Variants in DNAH3 observed in about 807,000 individuals in gnomAD.
DNAH3 encodes dynein axonemal heavy chain 3, also known as axonemal beta dynein heavy chain 3.
A neutral mutation model predicts 432.5 loss-of-function variants in DNAH3; 332 were observed. The observed-to-expected ratio is 0.77, with a 90% CI of 0.70 to 0.84. The LOEUF (loss-of-function observed/expected upper bound fraction) is 0.84. Ranked by LOEUF, DNAH3 falls within the 40% of genes least tolerant of loss-of-function variation. The pLI is 0.00. For synonymous variants in DNAH3, 1,956 were observed against 1,900.2 expected (o/e 1.03, Z -0.76); for missense variants, 4,861 against 5,114.0 (o/e 0.95, Z 1.51).
chr16:20,976,181 A>AT (rs1255382413), intron 50 of DNAH3, among the ~76,000 whole-genome samples: 18 of 151,758 alleles, frequency 1.2e-4, no homozygotes, highest in East Asian at 5.8e-4. Context: ...TCTCTACAAA[A>AT]TTTTTTTTTA....
At chr16:21,157,215 A>AT (rs556903475) in intron 1 of DNAH3, among the ~76,000 whole-genome samples, 3 of 152,134 alleles carry the variant, frequency 2.0e-5, no homozygotes, top group Non-Finnish European at 4.4e-5. Flanking sequence ...GATCATCATC[A>AT]TAAATCATCA....
At chr16:21,077,498 G>C (rs2152769456) in intron 20 of DNAH3, among the ~76,000 whole-genome samples, 1 of 152,150 alleles carries the variant, frequency 6.6e-6, no homozygotes, top group South Asian at 2.1e-4. Flanking sequence ...TTGAACCTCT[G>C]TTAATTTATG....
intron 18 of DNAH3, among the ~76,000 whole-genome samples, chr16:21,092,125 A>G (rs1438547594): frequency 1.3e-5 from 2 of 152,244 alleles, no homozygotes; most frequent in Non-Finnish European, 1.5e-5. Flanking sequence ...TCTAAAATTT[A>G]CACAGAGAAG....
intron 21 of DNAH3, among the ~76,000 whole-genome samples, chr16:21,073,912 T>C (rs550266678): frequency 2.0e-5 from 3 of 152,204 alleles, no homozygotes; most frequent in African/African-American, 7.2e-5. Flanking sequence ...TAGACCATTA[T>C]ACCATACGCT....
chr16:20,976,562 T>A (rs1320718370), intron 50 of DNAH3, among the ~76,000 whole-genome samples: 1 of 152,236 alleles, frequency 6.6e-6, no homozygotes, highest in African/African-American at 2.4e-5. Flanking sequence ...AGATAGAAGG[T>A]ACTTTCAAGG....
chr16:21,083,948 G>A (rs2091279537), intron 19 of DNAH3, among the ~76,000 whole-genome samples: 1 of 152,100 alleles, frequency 6.6e-6, no homozygotes, highest in South Asian at 2.1e-4. Context: ...CTCACTCCTT[G>A]GGAGCCACTG....
chr16:21,017,957 C>T (rs1334939941), intron 41 of DNAH3, among the ~76,000 whole-genome samples: 1 of 152,090 alleles, frequency 6.6e-6, no homozygotes, highest in Non-Finnish European at 1.5e-5. Flanking sequence ...TGTTTTAGTA[C>T]ATACCTGGTC....
At chr16:21,040,715 G>A (rs1567684289) in intron 32 of DNAH3, among the ~76,000 whole-genome samples, 1 of 152,084 alleles carries the variant, frequency 6.6e-6, no homozygotes, top group African/African-American at 2.4e-5. Flanking sequence ...GCATGGGCAA[G>A]TTATACAACC....
intron 18 of DNAH3, among the ~76,000 whole-genome samples, 164 bp from the exon 19 acceptor site, chr16:21,087,224 A>G (rs1433446404): frequency 6.6e-6 from 1 of 152,206 alleles, no homozygotes; most frequent in Admixed American, 6.5e-5. Flanking sequence ...AACCTTAGAT[A>G]TGATACAGGA....
chr16:20,939,706 C>T (rs763410097), intron 59 of DNAH3, among the ~76,000 whole-genome samples: 13 of 151,962 alleles, frequency 8.6e-5, no homozygotes, highest in Admixed American at 2.6e-4. Flanking sequence ...GGAATCAGGG[C>T]TGTCCTTAAA....
intron 27 of DNAH3, among the ~76,000 whole-genome samples, chr16:21,055,968 C>A (rs370811657): frequency 6.6e-6 from 1 of 151,852 alleles, no homozygotes; most frequent in South Asian, 2.1e-4. Context: ...GAACTCCTGG[C>A]CTCAAGCAAT....
intron 57 of DNAH3, among the ~76,000 whole-genome samples, chr16:20,946,411 C>T (rs1300615900): frequency 2.0e-5 from 3 of 152,150 alleles, no homozygotes; most frequent in Admixed American, 6.6e-5. Flanking sequence ...ACTGATGCCT[C>T]GCGTCTCCCT....
At chr16:21,137,598 T>C (rs1261531454) in intron 5 of DNAH3, among the ~76,000 whole-genome samples, 1 of 152,026 alleles carries the variant, frequency 6.6e-6, no homozygotes, top group African/African-American at 2.4e-5. Flanking sequence ...AATTTTTGTA[T>C]TTTTAGTGGA....
intron 50 of DNAH3, among the ~76,000 whole-genome samples, chr16:20,977,740 G>C (rs2085662129): frequency 6.6e-6 from 1 of 152,198 alleles, no homozygotes; most frequent in African/African-American, 2.4e-5. Context: ...AGATGGTAAC[G>C]ATACTTTCTT....
chr16:21,128,825 C>CT (rs935839142), intron 7 of DNAH3, among the ~76,000 whole-genome samples: 4 of 150,024 alleles, frequency 2.7e-5, no homozygotes, highest in African/African-American at 9.8e-5. Context: ...CATCACTGCA[C>CT]TCCAGCCTGG....
chr16:21,059,852 C>T (rs540614572), intron 26 of DNAH3, among the ~76,000 whole-genome samples: 1 of 151,608 alleles, frequency 6.6e-6, no homozygotes, highest in Non-Finnish European at 1.5e-5. Flanking sequence ...CCAAGTTATT[C>T]TGATAGATTC....
intron 39 of DNAH3, among the ~76,000 whole-genome samples, chr16:21,024,224 G>T (rs138142070): frequency 6.6e-6 from 1 of 152,264 alleles, no homozygotes; most frequent in East Asian, 1.9e-4. Flanking sequence ...AGCACCAAAA[G>T]GAACACCTGG....
chr16:20,963,352 G>C, exon 53 of DNAH3: 1 of 1,614,152 alleles, frequency 6.2e-7, no homozygotes, highest in African/African-American at 1.3e-5. Flanking sequence ...ATCATTGTAG[G>C]ATCCCTGGAG....
exon 31 of DNAH3, chr16:21,049,645 T>G: frequency 2.5e-6 from 4 of 1,614,134 alleles, no homozygotes; most frequent in Non-Finnish European, 3.4e-6. Context: ...CCCCATAGCT[T>G]TGTAATCCAA....
Sources: allele counts gnomAD v4.1 joint callset (sites outside exome capture counted in the v4.1 genomes callset), GRCh38; gene constraint gnomAD v4.1.1; transcripts MANE v1.5; gene names NCBI Gene and HGNC (gene_info 2026-07-23, HGNC 2026-07-21).